GBE1: variants seen among roughly 807,000 people sequenced by gnomAD.
GBE1 encodes the protein 1,4-alpha-glucan-branching enzyme.
GBE1 carries 70 observed loss-of-function variants against 88.8 expected under a neutral mutation model. The observed-to-expected ratio is 0.79, with a 90% CI of 0.65 to 0.96. The LOEUF (loss-of-function observed/expected upper bound fraction) is 0.96, where lower values mean the gene tolerates loss of function less well. GBE1 is among the 40% of genes least tolerant of loss of function. The pLI is 0.00. For synonymous variants in GBE1, 284 were observed against 300.1 expected, an observed-to-expected ratio of 0.95 and a Z score of 0.56; for missense variants, 872 against 871.0, an observed-to-expected ratio of 1.00 and a Z score of -0.01.
rs1396748231 is a variant in GBE1, at chr3:81,761,590, G to A, written c.-73C>T. 4.6e-6 allele frequency: 7 copies of A among 1,513,054 alleles called. No homozygotes were observed. The highest frequency in any genetic ancestry group is 6.2e-6 in the Non-Finnish European group (7 of 1,130,064). 93.7% of individuals were successfully genotyped at this position (1,513,054 alleles called of 1,614,324 possible). On this transcript the variant is annotated 5_prime_UTR_variant, in exon 1 of 16. Transcript: ENST00000429644. ...CTGAGCGGGCGCTGGAGCTCTAGCTGGGACGCGGCGGCTAGGGCGGAGCCG... is the reference window on the plus strand; with the variant it reads ...CTGAGCGGGCGCTGGAGCTCTAGCTAGGACGCGGCGGCTAGGGCGGAGCCG...
intron 14 of GBE1, among the ~76,000 whole-genome samples, chr3:81,526,427 A>G (rs1702945334): frequency 6.6e-6 from 1 of 152,074 alleles, no homozygotes; most frequent in Non-Finnish European, 1.5e-5. Flanking sequence ...GAGGAAGTCA[A>G]ATTGTCCCTG....
chr3:81,600,304 T>G (rs376256385), intron 7 of GBE1, among the ~76,000 whole-genome samples: 3 of 152,028 alleles, frequency 2.0e-5, no homozygotes, highest in Non-Finnish European at 4.4e-5. Flanking sequence ...AAATAAGCTA[T>G]TATAATAATT....
chr3:81,634,338 A>G (rs1704561340), intron 7 of GBE1, among the ~76,000 whole-genome samples: 1 of 152,240 alleles, frequency 6.6e-6, no homozygotes, highest in African/African-American at 2.4e-5. Context: ...CTCAAATGTA[A>G]GCAGCTTGGT....
intron 1 of GBE1, among the ~76,000 whole-genome samples, chr3:81,709,670 G>A (rs1003464637): frequency 8.5e-5 from 13 of 152,088 alleles, no homozygotes; most frequent in East Asian, 1.9e-4. Context: ...ATTTTCAAAC[G>A]TCCCATTTAG....
At chr3:81,756,428 C>T (rs758638018) in intron 1 of GBE1, among the ~76,000 whole-genome samples, 1 of 152,196 alleles carries the variant, frequency 6.6e-6, no homozygotes, top group Non-Finnish European at 1.5e-5. Flanking sequence ...CAGCCACTGG[C>T]TCATTCAAGT....
chr3:81,738,085 T>C (rs1201306527), intron 1 of GBE1, among the ~76,000 whole-genome samples: 1 of 151,840 alleles, frequency 6.6e-6, no homozygotes. Context: ...CATGAACTCA[T>C]CATTTTTTAT....
intron 1 of GBE1, among the ~76,000 whole-genome samples, chr3:81,760,607 C>T (rs1325265662): frequency 6.6e-6 from 1 of 152,198 alleles, no homozygotes; most frequent in Non-Finnish European, 1.5e-5. Context: ...AGAAAAAGAC[C>T]TGTACCTTTT....
intron 14 of GBE1, 92 bp downstream of exon 14, chr3:81,535,103 A>T: frequency 8.6e-7 from 1 of 1,163,492 alleles, no homozygotes; most frequent in South Asian, 1.5e-5. Context: ...TCTGTCATCA[A>T]GATCAACCTT....
intron 1 of GBE1, among the ~76,000 whole-genome samples, chr3:81,731,243 G>C (rs886804428): frequency 6.6e-6 from 1 of 152,074 alleles, no homozygotes; most frequent in Admixed American, 6.6e-5. Flanking sequence ...AGTAGATCAC[G>C]ACACTTATTC....
Position 81,737,307 on chromosome 3 carries a change from ATATT to A in GBE1, c.143+24064_143+24067del, listed in dbSNP as rs1156748972. 3.6e-3 allele frequency among the ~76,000 whole-genome samples: 362 copies of A among 99,190 alleles called. 1 individual carries two copies. The highest frequency in any genetic ancestry group is 0.016 in the African/African-American group (343 of 21,298). The allele number at this position is 99,190 out of a possible 152,430, so 65.1% of individuals were successfully genotyped here. ...TCAAAATAAATATTTATATAAATAT[ATATT>A]TATATATATTTATATATATTTTTAT... On this transcript the variant is annotated intron_variant, in intron 1 of 15. Coordinates refer to ENST00000429644, the MANE Select transcript of GBE1 (RefSeq NM_000158.4).
intron 1 of GBE1, among the ~76,000 whole-genome samples, chr3:81,754,058 A>G (rs995687887): frequency 2.0e-5 from 3 of 152,178 alleles, no homozygotes; most frequent in African/African-American, 7.2e-5. Context: ...ACCTACAAAA[A>G]CATAAAGACT....
intron 12 of GBE1, among the ~76,000 whole-genome samples, chr3:81,557,187 A>G (rs540315338): frequency 6.6e-6 from 1 of 152,074 alleles, no homozygotes; most frequent in South Asian, 2.1e-4. Flanking sequence ...TTGCTGTCCC[A>G]AAATAAAAAT....
chr3:81,504,805 A>C (rs1427313666), intron 14 of GBE1, among the ~76,000 whole-genome samples: 1 of 152,192 alleles, frequency 6.6e-6, no homozygotes, highest in Non-Finnish European at 1.5e-5. Flanking sequence ...TTGCTCAGGC[A>C]CTTGATAAAG....
In GBE1 at chr3:81,536,954, A is replaced by G; in HGVS notation, c.1760T>C (p.Met587Thr). ...ACCATATCTTTCTTCCAATCTATTC[A>G]TATCCCTGTCAAAATTATTTAGGAA... Reference protein sequence around the residue: ...YKFLNNFDRDMNRLEERYGWL... With the variant: ...YKFLNNFDRDTNRLEERYGWL... The change falls in exon 13 of 16, where the codon ATG becomes ACG. Residue 587 changes from methionine (M) to threonine (T), a missense_variant. Physicochemically the swap from Met to Thr is moderately conservative, Grantham distance 81. Transcript: ENST00000429644. The G allele has an allele frequency of 6.3e-7, 1 of 1,590,528 alleles. No individual in the cohort carries two copies. The highest frequency in any genetic ancestry group is 1.4e-5 in the African/African-American group (1 of 73,300).
chr3:81,646,342 T>C, intron 6 of GBE1, 50 bp downstream of exon 6: 2 of 1,177,760 alleles, frequency 1.7e-6, no homozygotes, highest in Non-Finnish European at 2.5e-6. Context: ...TTTGTTTCTT[T>C]AAATTATTGG....
intron 1 of GBE1, among the ~76,000 whole-genome samples, chr3:81,761,005 C>G (rs1168378025): frequency 2.0e-5 from 3 of 152,234 alleles, no homozygotes; most frequent in Non-Finnish European, 4.4e-5. Context: ...TCCACAGGCC[C>G]ACGCTAGTGG....
intron 1 of GBE1, among the ~76,000 whole-genome samples, chr3:81,721,224 T>TAAAC (rs1706027375): frequency 1.5e-4 from 12 of 77,800 alleles, no homozygotes; most frequent in African/African-American, 4.5e-4. Context: ...AATAAATAAA[T>TAAAC]AAATAAATAA....
intron 15 of GBE1, 111 bp from the exon 16 acceptor site, chr3:81,490,574 T>C: frequency 1.2e-6 from 1 of 863,426 alleles, no homozygotes; most frequent in East Asian, 2.5e-5. Flanking sequence ...AAGTTACAGT[T>C]ACCTTTACAA....
chr3:81,606,833 T>C (rs969199355), intron 7 of GBE1, among the ~76,000 whole-genome samples: 1 of 152,214 alleles, frequency 6.6e-6, no homozygotes, highest in African/African-American at 2.4e-5. Flanking sequence ...TGGTTTATTA[T>C]TATTTACTTT....
Sources: gnomAD v4.1 joint callset for allele counts (sites outside exome capture counted in the v4.1 genomes callset) on GRCh38, gnomAD v4.1.1 for gene constraint, MANE v1.5 for transcripts, NCBI Gene and HGNC (gene_info 2026-07-23, HGNC 2026-07-21) for gene names.